NRXN3: variants seen among roughly 807,000 people sequenced by gnomAD.
NRXN3 encodes the protein neurexin III.
A neutral mutation model predicts 137.6 loss-of-function variants in NRXN3; 32 were observed. The ratio of observed to expected loss-of-function variants is 0.23; its 90% CI spans 0.18 to 0.31. The LOEUF is 0.31. Among genes scored for constraint, NRXN3 ranks in the 10% least tolerant of loss-of-function variants. The probability of loss-of-function intolerance (pLI) is 1.00; values close to 1 mark genes in which losing one functional copy is unlikely to be tolerated. For missense variants in NRXN3, 1,574 were observed against 2,062.5 expected (o/e 0.76, Z 4.59); for synonymous variants, 798 against 784.5 (o/e 1.02, Z -0.29).
At chr14:78,737,466 T>G (rs2098546115) in intron 8 of NRXN3, among the ~76,000 whole-genome samples, 1 of 152,136 alleles carries the variant, frequency 6.6e-6, no homozygotes. Context: ...CAGTCTGTGA[T>G]CTTTGCAGAG....
chr14:79,642,144 G>T (rs1444496532), intron 16 of NRXN3, among the ~76,000 whole-genome samples: 1 of 135,492 alleles, frequency 7.4e-6, no homozygotes, highest in African/African-American at 2.5e-5. Context: ...CCACAAATTA[G>T]GATTCTCTGC....
chr14:79,470,137 A>G (rs2096481908), intron 16 of NRXN3, among the ~76,000 whole-genome samples: 1 of 152,220 alleles, frequency 6.6e-6, no homozygotes, highest in African/African-American at 2.4e-5. Context: ...GGGATTGAGC[A>G]TAAGGCAGAA....
intron 15 of NRXN3, among the ~76,000 whole-genome samples, chr14:79,118,237 C>T (rs1451568932): frequency 6.6e-6 from 1 of 151,288 alleles, no homozygotes; most frequent in South Asian, 2.1e-4. Context: ...TTTCTTTTAA[C>T]AAACAAGGAT....
At chr14:79,222,259 A>G (rs1400955790) in intron 15 of NRXN3, among the ~76,000 whole-genome samples, 1 of 152,154 alleles carries the variant, frequency 6.6e-6, no homozygotes, top group Non-Finnish European at 1.5e-5. Flanking sequence ...TTCCATATGA[A>G]ATATGAAGTA....
intron 1 of NRXN3, among the ~76,000 whole-genome samples, chr14:78,193,528 T>C (rs76910767): frequency 8.6e-5 from 13 of 152,020 alleles, no homozygotes; most frequent in East Asian, 3.9e-4. Flanking sequence ...CAAGCACAAA[T>C]GGACTGAAGA....
At chr14:78,324,874 T>A (rs2079856659) in intron 4 of NRXN3, among the ~76,000 whole-genome samples, 1 of 151,796 alleles carries the variant, frequency 6.6e-6, no homozygotes, top group Admixed American at 6.6e-5. Flanking sequence ...CGGGGTGTGA[T>A]AGGGTCAGGT....
At chr14:78,815,861 T>C (rs1412887349) in intron 10 of NRXN3, among the ~76,000 whole-genome samples, 4 of 152,174 alleles carry the variant, frequency 2.6e-5, no homozygotes, top group Non-Finnish European at 5.9e-5. Flanking sequence ...GGTATCCATT[T>C]TAAAAGTCAA....
At chr14:79,132,637 T>G (rs775745686) in intron 15 of NRXN3, among the ~76,000 whole-genome samples, 2 of 152,236 alleles carry the variant, frequency 1.3e-5, no homozygotes, top group Non-Finnish European at 2.9e-5. Context: ...GGCAACATAA[T>G]GCAAATTTAC....
At chr14:78,375,221 T>C (rs2153623327) in intron 4 of NRXN3, among the ~76,000 whole-genome samples, 1 of 152,362 alleles carries the variant, frequency 6.6e-6, no homozygotes, top group South Asian at 2.1e-4. Flanking sequence ...AAAGTGTTTC[T>C]ATTTATTAGA....
chr14:79,583,084 A>G (rs1375076893), intron 16 of NRXN3, among the ~76,000 whole-genome samples: 1 of 152,218 alleles, frequency 6.6e-6, no homozygotes, highest in Non-Finnish European at 1.5e-5. Flanking sequence ...GTAAAACACA[A>G]AAACAGTCTA....
intron 15 of NRXN3, among the ~76,000 whole-genome samples, chr14:79,306,689 C>A (rs1721040075): frequency 6.6e-6 from 1 of 152,076 alleles, no homozygotes; most frequent in African/African-American, 2.4e-5. Context: ...TACTTTTCCA[C>A]TCAGCCCTGA....
At chr14:79,580,689 C>G (rs1393109811) in intron 16 of NRXN3, among the ~76,000 whole-genome samples, 1 of 151,942 alleles carries the variant, frequency 6.6e-6, no homozygotes, top group Non-Finnish European at 1.5e-5. Flanking sequence ...TAAGATTCTC[C>G]CTTGAAGTTC....
At chr14:79,451,186 A>T (rs991751032) in intron 15 of NRXN3, among the ~76,000 whole-genome samples, 1 of 151,790 alleles carries the variant, frequency 6.6e-6, no homozygotes, top group Admixed American at 6.6e-5. Context: ...AAAAAAAAAA[A>T]AGCTCAGGAT....
At chr14:79,301,730 G>T (rs1162096926) in intron 15 of NRXN3, among the ~76,000 whole-genome samples, 7 of 150,760 alleles carry the variant, frequency 4.6e-5, no homozygotes, top group East Asian at 3.9e-4. Flanking sequence ...GTATTTGTGG[G>T]GTGTGTGTGT....
intron 15 of NRXN3, among the ~76,000 whole-genome samples, chr14:79,233,448 C>T (rs1021206133): frequency 1.3e-5 from 2 of 152,098 alleles, no homozygotes; most frequent in Non-Finnish European, 2.9e-5. Context: ...CTTTAATCTA[C>T]TGTTGCCTTC....
chr14:79,849,910 C>T (rs1239884847), intron 20 of NRXN3, among the ~76,000 whole-genome samples: 5 of 152,122 alleles, frequency 3.3e-5, no homozygotes, highest in Non-Finnish European at 5.9e-5. Context: ...AAGGTATATG[C>T]AGGGCTCGTT....
At chr14:79,775,931 A>G (rs2099095716) in intron 19 of NRXN3, among the ~76,000 whole-genome samples, 1 of 152,194 alleles carries the variant, frequency 6.6e-6, no homozygotes, top group Non-Finnish European at 1.5e-5. Context: ...TGGTTGTGCT[A>G]TGGCATCATT....
chr14:79,764,205 C>A (rs1002464416), intron 19 of NRXN3, among the ~76,000 whole-genome samples: 18 of 151,664 alleles, frequency 1.2e-4, no homozygotes, highest in African/African-American at 3.9e-4. Context: ...CCTCAAAACT[C>A]TGTTGAACAG....
At chr14:78,538,599 G>T (rs941484212) in intron 4 of NRXN3, among the ~76,000 whole-genome samples, 1 of 152,140 alleles carries the variant, frequency 6.6e-6, no homozygotes, top group East Asian at 1.9e-4. Context: ...ATTGAATACA[G>T]TTTATTTCTT....
Sources: gnomAD v4.1 joint callset for allele counts (sites outside exome capture counted in the v4.1 genomes callset) on GRCh38, gnomAD v4.1.1 for gene constraint, MANE v1.5 for transcripts, NCBI Gene and HGNC (gene_info 2026-07-23, HGNC 2026-07-21) for gene names.